The following MOGAT1 variants were observed in gnomAD, a reference collection of about 807,000 sequenced individuals.
MOGAT1 encodes the protein 2-acylglycerol O-acyltransferase 1.
Under a neutral mutation model 31.4 loss-of-function variants are expected in MOGAT1, and 32 were observed. The ratio of observed to expected loss-of-function variants is 1.02; its 90% CI spans 0.77 to 1.37. The LOEUF is 1.37. MOGAT1 is among the 40% of genes most tolerant of loss of function. The pLI is 0.00. For synonymous variants in MOGAT1, 145 were observed against 144.5 expected, an observed-to-expected ratio of 1.00 and a Z score of -0.03; for missense variants, 426 against 402.0, an observed-to-expected ratio of 1.06 and a Z score of -0.51.
intron 1 of MOGAT1, among the ~76,000 whole-genome samples, chr2:222,686,770 A>G (rs1270897882): frequency 6.6e-6 from 1 of 152,150 alleles, no homozygotes; most frequent in Non-Finnish European, 1.5e-5. Context: ...CAGTTTCCTG[A>G]CTGGGTTCAA....
intron 1 of MOGAT1, among the ~76,000 whole-genome samples, chr2:222,678,632 C>T (rs545885430): frequency 5.9e-5 from 9 of 152,102 alleles, no homozygotes; most frequent in Admixed American, 2.0e-4. Context: ...TGTTGGGTGT[C>T]GTATCTTTAA....
intron 5 of MOGAT1, among the ~76,000 whole-genome samples, chr2:222,701,484 GAA>G (rs1261089219): frequency 1.4e-5 from 2 of 144,952 alleles, no homozygotes; most frequent in African/African-American, 5.1e-5. Flanking sequence ...GAGAAAGAAA[GAA>G]AGAGAGAGTG....
intron 5 of MOGAT1, among the ~76,000 whole-genome samples, chr2:222,697,452 A>G (rs976606190): frequency 1.3e-5 from 2 of 152,044 alleles, no homozygotes; most frequent in Non-Finnish European, 2.9e-5. Flanking sequence ...ATGAAGAGTG[A>G]CTTTTCTGGT....
intron 5 of MOGAT1, among the ~76,000 whole-genome samples, chr2:222,707,261 AAGAG>A (rs903219615): frequency 1.8e-4 from 27 of 150,538 alleles, no homozygotes; most frequent in South Asian, 4.2e-4. Flanking sequence ...AAGAGAAAGA[AAGAG>A]AGAGAGAAAG....
intron 2 of MOGAT1, among the ~76,000 whole-genome samples, chr2:222,688,866 AC>A (rs1692715639): frequency 6.6e-6 from 1 of 151,966 alleles, no homozygotes; most frequent in South Asian, 2.1e-4. Context: ...AAGATAACAA[AC>A]CCACTTCTGT....
At position 222,689,357 on chromosome 2, in the gene MOGAT1, T is replaced by C. The variant is rs1319330733; in HGVS notation, c.366T>C (p.Phe122=). 6.2e-7 allele frequency: 1 copy of C among 1,614,050 alleles called. No individual in the cohort carries two copies. The highest frequency in any genetic ancestry group is 1.1e-5 in the South Asian group (1 of 91,088). The change falls in exon 3 of 6, where the codon TTT becomes TTC. Residue 122 remains phenylalanine (F), a synonymous_variant. Transcript: ENST00000446656. ...TGGCAGTTGGAGCCTTTGGGAATTT[T>C]TCTGTAAATTATTCTGACTTCAAGG... ...GIMAVGAFGN[F]SVNYSDFKDL... is the part of the protein sequence containing the mutation.
chr2:222,671,994 G>A (rs1441575673), intron 1 of MOGAT1, 115 bp downstream of exon 1: 2 of 843,656 alleles, frequency 2.4e-6, no homozygotes, highest in Non-Finnish European at 3.8e-6. Flanking sequence ...GTCGGCCAGA[G>A]CAGGCAGGTC....
chr2:222,685,224 C>T (rs375491509), intron 1 of MOGAT1, among the ~76,000 whole-genome samples: 25 of 152,186 alleles, frequency 1.6e-4, no homozygotes, highest in African/African-American at 5.8e-4. Flanking sequence ...TCTGCAGCTA[C>T]ATTTTGCAGT....
At position 222,682,019 on chromosome 2, in the gene MOGAT1, C is replaced by T. The variant is rs1350379097; in HGVS notation, c.95-6325C>T. On this transcript the variant is annotated intron_variant, in intron 1 of 5. Coordinates refer to ENST00000446656, the MANE Select transcript of MOGAT1 (RefSeq NM_058165.3). ...CGAGGGTAATTGCATGTTAACTGCT[C>T]TTACCATAATAAAATAAAAATTTTT... 5.9e-5 allele frequency among the ~76,000 whole-genome samples: 9 copies of T among 152,146 alleles called. No individual in the cohort carries two copies. The East Asian group carries it at 1.3e-3, about 23-fold the overall frequency.
rs1261812774 is a variant in MOGAT1, at chr2:222,694,443, G to A, written c.560G>A (p.Gly187Glu). 6.2e-7 allele frequency: 1 copy of A among 1,613,734 alleles called. No individual in the cohort carries two copies. Among genetic ancestry groups the A allele is most frequent in the Admixed American group, 1.7e-5 (1 of 59,986 alleles). Residue 187 changes from glycine to glutamate, a missense_variant, in exon 4 of 6, where the codon GGG becomes GAG. Coordinates refer to ENST00000446656, the MANE Select transcript of MOGAT1 (RefSeq NM_058165.3). ...GGGNISVIVLGGAKESLDAHP... is the reference protein window; with the variant it reads ...GGGNISVIVLEGAKESLDAHP... ...GGAAACATCTCTGTCATTGTCCTTG[G>A]GGGTGCAAAAGAATCACTGGATGCT...
At chr2:222,702,891 A>T in intron 5 of MOGAT1, among the ~76,000 whole-genome samples, 1 of 151,926 alleles carries the variant, frequency 6.6e-6, no homozygotes, top group East Asian at 1.9e-4. Flanking sequence ...TTCGTAAAAT[A>T]TTTTTAAAAA....
chr2:222,709,253 G>A (rs537772866), intron 5 of MOGAT1, among the ~76,000 whole-genome samples: 3 of 152,288 alleles, frequency 2.0e-5, no homozygotes, highest in South Asian at 2.1e-4. Context: ...CTCGGGAGGC[G>A]GAGTTCGCAG....
chr2:222,709,612 G>T, intron 5 of MOGAT1, 124 bp from the exon 6 acceptor site: 1 of 799,430 alleles, frequency 1.3e-6, no homozygotes, highest in Non-Finnish European at 2.0e-6. Context: ...AGGAAACAAG[G>T]ATTGGAGTGA....
chr2:222,682,698 T>C (rs1212040808), intron 1 of MOGAT1, among the ~76,000 whole-genome samples: 3 of 152,214 alleles, frequency 2.0e-5, no homozygotes, highest in Admixed American at 1.3e-4. Context: ...AACAGATGCA[T>C]GAATTATCAG....
chr2:222,688,621 G>A (rs1448728157), intron 2 of MOGAT1, 99 bp downstream of exon 2: 5 of 831,700 alleles, frequency 6.0e-6, no homozygotes, highest in Non-Finnish European at 9.2e-6. Context: ...CAGAGGGGAT[G>A]TCTTAGTCTG....
chr2:222,682,719 A>G (rs944696379), intron 1 of MOGAT1, among the ~76,000 whole-genome samples: 1 of 152,204 alleles, frequency 6.6e-6, no homozygotes, highest in African/African-American at 2.4e-5. Context: ...ATTACAGTGT[A>G]TATGTAAGTG....
At chr2:222,675,269 T>C (rs1692479071) in intron 1 of MOGAT1, among the ~76,000 whole-genome samples, 1 of 152,166 alleles carries the variant, frequency 6.6e-6, no homozygotes. Context: ...TCTTCCCAGG[T>C]GTTGCTGTGC....
In MOGAT1 at chr2:222,672,924, T is replaced by TATTA. The variant is rs1379465680; in HGVS notation, c.94+1047_94+1048insTAAT. Reference sequence around the variant, plus strand: ...TTATTATTATTATTATTATTATTATTATCTTTGAGACGGAGTTTCACTCTT... The same window carrying TATTA: ...TTATTATTATTATTATTATTATTATTATTAATCTTTGAGACGGAGTTTCACTCTT... On this transcript the variant is annotated intron_variant, in intron 1 of 5. Transcript: ENST00000446656. Among the ~76,000 whole-genome samples the TATTA allele has an allele frequency of 4.1e-5, 6 of 145,780 alleles. No homozygotes were observed. In the South Asian group the frequency reaches 1.3e-3, roughly 32 times the overall value.
chr2:222,708,777 AT>A (rs1366846649), intron 5 of MOGAT1, among the ~76,000 whole-genome samples: 2 of 152,078 alleles, frequency 1.3e-5, no homozygotes, highest in African/African-American at 2.4e-5. Context: ...TTTACAAATT[AT>A]TTTTCCACTT....
Sources: allele counts gnomAD v4.1 joint callset (sites outside exome capture counted in the v4.1 genomes callset), GRCh38; gene constraint gnomAD v4.1.1; transcripts MANE v1.5; gene names NCBI Gene and HGNC (gene_info 2026-07-23, HGNC 2026-07-21).